Variants in UBE2H observed in about 807,000 individuals in gnomAD.
UBE2H encodes ubiquitin-conjugating enzyme E2 H.
Under a neutral mutation model 29.0 loss-of-function variants are expected in UBE2H, and 3 were observed. That is an observed-to-expected ratio of 0.10 (90% CI 0.05 to 0.27). The LOEUF (loss-of-function observed/expected upper bound fraction) is 0.27, where lower values mean the gene tolerates loss of function less well. Among genes scored for constraint, UBE2H ranks in the 10% least tolerant of loss-of-function variants. The pLI is 1.00. For missense variants in UBE2H, 68 were observed against 228.2 expected (o/e 0.30, Z 4.52); for synonymous variants, 69 against 82.9 (o/e 0.83, Z 0.91).
At chr7:129,879,791 T>C in intron 2 of UBE2H, 149 bp from the exon 3 acceptor site, 1 of 637,148 alleles carries the variant, frequency 1.6e-6, no homozygotes, top group Non-Finnish European at 2.7e-6. Context: ...TCAATAGGTG[T>C]ACCACGTTCA....
At chr7:129,916,474 TAA>T (rs3043708) in intron 1 of UBE2H, among the ~76,000 whole-genome samples, 86,290 of 138,996 alleles carry the variant, frequency 0.62, 26,831 homozygotes, top group Middle Eastern at 0.71. Context: ...TTCTAACAAT[TAA>T]AAAAAAAAAA....
At chr7:129,914,554 A>AGTAAT (rs1424730773) in intron 1 of UBE2H, among the ~76,000 whole-genome samples, 2 of 152,234 alleles carry the variant, frequency 1.3e-5, no homozygotes, top group African/African-American at 4.8e-5. Flanking sequence ...CAGATATTAC[A>AGTAAT]GTAATGTACT....
chr7:129,854,068 T>TTTTTTTTTTTTTTTTTTTTTA (rs1805661828), intron 5 of UBE2H, among the ~76,000 whole-genome samples: 14 of 148,696 alleles, frequency 9.4e-5, no homozygotes, highest in Non-Finnish European at 1.6e-4. Flanking sequence ...TAGTTTTTTT[T>TTTTTTTTTTTTTTTTTTTTTA]TTTTTTTTTT....
At chr7:129,877,479 T>C (rs1202993704) in intron 3 of UBE2H, among the ~76,000 whole-genome samples, 2 of 152,150 alleles carry the variant, frequency 1.3e-5, no homozygotes, top group Non-Finnish European at 2.9e-5. Flanking sequence ...TGAAAATGGG[T>C]CACCCCGCAC....
chr7:129,888,654 C>A (rs915941528), intron 1 of UBE2H, among the ~76,000 whole-genome samples: 2 of 151,990 alleles, frequency 1.3e-5, no homozygotes, highest in East Asian at 3.9e-4. Flanking sequence ...TTTGTATTTT[C>A]AGTAGAGACG....
intron 1 of UBE2H, among the ~76,000 whole-genome samples, chr7:129,911,210 A>C (rs2116447348): frequency 6.6e-6 from 1 of 151,796 alleles, no homozygotes; most frequent in East Asian, 1.9e-4. Context: ...TAAAAATACA[A>C]AAAAAAAGTT....
chr7:129,906,041 G>T lies in UBE2H; in HGVS notation c.54-25070C>A, dbSNP rs368796066. 1.6e-4 allele frequency among the ~76,000 whole-genome samples: 24 copies of T among 152,190 alleles called. No homozygotes were observed. The East Asian group carries it at 1.7e-3, about 11-fold the overall frequency. On this transcript the variant is annotated intron_variant, in intron 1 of 6. Coordinates refer to ENST00000355621, the MANE Select transcript of UBE2H (RefSeq NM_003344.4). Reference sequence around the variant, plus strand: ...GGTCTCTGAAAAGCAGCAAAGAGAAGATGTCCAGTAGGCATTTGGCCATCC... The same window carrying T: ...GGTCTCTGAAAAGCAGCAAAGAGAATATGTCCAGTAGGCATTTGGCCATCC...
intron 1 of UBE2H, among the ~76,000 whole-genome samples, chr7:129,909,309 A>C (rs1366104328): frequency 1.3e-5 from 2 of 152,198 alleles, no homozygotes; most frequent in Non-Finnish European, 2.9e-5. Flanking sequence ...ACTGATACCT[A>C]GAGAGGGGCA....
chr7:129,948,955 A>C (rs1031519804), intron 1 of UBE2H: 1 of 456,242 alleles, frequency 2.2e-6, no homozygotes, highest in Non-Finnish European at 4.4e-6. Flanking sequence ...CTCTTGTCAC[A>C]TACTCCATCA....
intron 1 of UBE2H, among the ~76,000 whole-genome samples, chr7:129,936,878 T>C (rs1807541363): frequency 6.7e-6 from 1 of 148,378 alleles, no homozygotes; most frequent in Non-Finnish European, 1.5e-5. Flanking sequence ...CCCAGGAGGC[T>C]GAGGCAGGAA....
At chr7:129,863,831 G>T in intron 3 of UBE2H, among the ~76,000 whole-genome samples, 1 of 90,256 alleles carries the variant, frequency 1.1e-5, no homozygotes, top group Admixed American at 1.2e-4. Context: ...TTTGAGATAA[G>T]GTCACTTCGT....
At chr7:129,869,885 C>T (rs577814727) in intron 3 of UBE2H, among the ~76,000 whole-genome samples, 4 of 152,172 alleles carry the variant, frequency 2.6e-5, no homozygotes, top group South Asian at 4.2e-4. Flanking sequence ...TCAGCATCAC[C>T]TACAATCTTC....
chr7:129,866,556 A>T lies in UBE2H; in HGVS notation c.206-7615T>A, dbSNP rs146619008. Among the ~76,000 whole-genome samples the T allele has an allele frequency of 7.2e-5, 11 of 152,302 alleles. No individual in the cohort carries two copies. In the East Asian group the frequency reaches 2.1e-3, roughly 29 times the overall value. ...TACAGTACAGAATACATTGGACTTG[A>T]ACTCACAAGACCCAACTACAATTCT... On this transcript the variant is annotated intron_variant, in intron 3 of 6. Transcript: ENST00000355621.
intron 1 of UBE2H, among the ~76,000 whole-genome samples, chr7:129,946,167 C>A (rs1319049241): frequency 6.6e-6 from 1 of 152,012 alleles, no homozygotes; most frequent in Admixed American, 6.6e-5. Context: ...ATTCTCCTGC[C>A]TCAGCCTCCT....
intron 1 of UBE2H, among the ~76,000 whole-genome samples, chr7:129,952,133 C>CTT (rs1440370578): frequency 6.6e-6 from 1 of 151,820 alleles, no homozygotes; most frequent in Non-Finnish European, 1.5e-5. Flanking sequence ...TTCCCTAAAT[C>CTT]CAAAGCGAGC....
chr7:129,892,536 C>T (rs1192878928), intron 1 of UBE2H, among the ~76,000 whole-genome samples: 1 of 151,996 alleles, frequency 6.6e-6, no homozygotes, highest in East Asian at 1.9e-4. Flanking sequence ...ACAGGTATGA[C>T]CCACCGCATC....
At position 129,886,626 on chromosome 7, in the gene UBE2H, C is replaced by T. The variant is rs1048338964; in HGVS notation, c.54-5655G>A. Among the ~76,000 whole-genome samples, 8 of 152,138 alleles carry T rather than the reference C, an allele frequency of 5.3e-5. No individual in the cohort carries two copies. In the East Asian group the frequency reaches 9.7e-4, roughly 18 times the overall value. On this transcript the variant is annotated intron_variant, in intron 1 of 6. Coordinates refer to ENST00000355621, the MANE Select transcript of UBE2H (RefSeq NM_003344.4). ...GAATGAGGTCCTGGCATAAAGAACG[C>T]GCTTCTGTGCAGAGGGCAGAAGCAA...
chr7:129,934,195 G>A (rs931444721), intron 1 of UBE2H, among the ~76,000 whole-genome samples: 1 of 152,066 alleles, frequency 6.6e-6, no homozygotes, highest in Non-Finnish European at 1.5e-5. Context: ...TATAGCACAC[G>A]ACTGTACTCC....
intron 4 of UBE2H, among the ~76,000 whole-genome samples, chr7:129,858,168 T>G (rs1805739693): frequency 6.6e-6 from 1 of 152,172 alleles, no homozygotes. Flanking sequence ...AAGTATTGCA[T>G]TAACGTTAAA....
Sources: gnomAD v4.1 joint callset for allele counts (sites outside exome capture counted in the v4.1 genomes callset) on GRCh38, gnomAD v4.1.1 for gene constraint, MANE v1.5 for transcripts, NCBI Gene and HGNC (gene_info 2026-07-23, HGNC 2026-07-21) for gene names.